Variants in SMC6 observed in about 807,000 individuals in gnomAD.
The protein encoded by SMC6 is structural maintenance of chromosomes 6.
In SMC6, 79 loss-of-function variants were observed where a neutral mutation model predicts 142.2. The ratio of observed to expected loss-of-function variants is 0.56; its 90% CI spans 0.46 to 0.67. The LOEUF (loss-of-function observed/expected upper bound fraction) is 0.67. Among genes scored for constraint, SMC6 ranks in the 30% least tolerant of loss-of-function variants. SMC6 has a pLI of 0.00. For synonymous variants in SMC6, 411 were observed against 412.4 expected, an observed-to-expected ratio of 1.00 and a Z score of 0.04; for missense variants, 1,072 against 1,284.0, an observed-to-expected ratio of 0.83 and a Z score of 2.52.
At position 17,700,240 on chromosome 2, in the gene SMC6, T is replaced by G. The variant is rs963642088; in HGVS notation, c.2362A>C (p.Asn788His). The G allele has an allele frequency of 1.2e-6, 2 of 1,608,002 alleles. No homozygotes were observed. Among genetic ancestry groups the G allele is most frequent in the African/African-American group, 2.7e-5 (2 of 74,602 alleles). Residue 788 changes from asparagine (N) to histidine (H), a missense_variant, in exon 21 of 28, where the codon AAT becomes CAT. This residue lies in a region of SMC6 where 994 missense variants were observed against 1,153.2 expected (regional missense o/e 0.86). Coordinates refer to ENST00000448223, the MANE Select transcript of SMC6 (RefSeq NM_001142286.2). ...NKYDAIKFKI[N>H]QLSELADPLK... Reference sequence around the variant, plus strand: ...GGGTCTGCTAGCTCCGATAGTTGATTAATTTTGAATTTAATTGCATCATAC... The same window carrying G: ...GGGTCTGCTAGCTCCGATAGTTGATGAATTTTGAATTTAATTGCATCATAC...
At chr2:17,711,004 G>A (rs1668800406) in intron 16 of SMC6, among the ~76,000 whole-genome samples, 1 of 152,136 alleles carries the variant, frequency 6.6e-6, no homozygotes, top group South Asian at 2.1e-4. Flanking sequence ...ATGAAACAAA[G>A]TACGGAACAA....
chr2:17,746,707 A>T lies in SMC6; in HGVS notation c.-5-756T>A, dbSNP rs9941630. ...ATTTTGCTAAACATATGAATACTGG[A>T]TCTCCAGTCAAAGCTGATAGTTTAT... is the stretch of plus-strand genomic sequence containing the variant. On this transcript the variant is annotated intron_variant, in intron 2 of 27. Coordinates refer to ENST00000448223, the MANE Select transcript of SMC6 (RefSeq NM_001142286.2). 7.2e-3 allele frequency among the ~76,000 whole-genome samples: 1,091 copies of T among 152,298 alleles called. 9 individuals carry two copies. Among genetic ancestry groups the T allele is most frequent in the African/African-American group, 0.025 (1,026 of 41,554 alleles).
rs1056747512 is a variant in SMC6 at position 17,665,411 on chromosome 2, A to G, written c.*88T>C. The G allele has an allele frequency of 5.4e-5, 36 of 669,128 alleles. No individual in the cohort carries two copies. The highest frequency in any genetic ancestry group is 6.6e-5 in the Non-Finnish European group (28 of 423,088). The allele number at this position is 669,128 out of a possible 1,614,324, so 41.4% of individuals were successfully genotyped here. Reference sequence around the variant, plus strand: ...GTTTCTTTCATTTCAGAATGCCTCCAGTCTCATTTTATTATATCAAAGAGT... The same window carrying G: ...GTTTCTTTCATTTCAGAATGCCTCCGGTCTCATTTTATTATATCAAAGAGT... On this transcript the variant is annotated 3_prime_UTR_variant, in exon 28 of 28. Transcript: ENST00000448223.
intron 15 of SMC6, 128 bp downstream of exon 15, chr2:17,715,958 T>C (rs979582212): frequency 3.7e-6 from 3 of 816,502 alleles, no homozygotes; most frequent in African/African-American, 3.6e-5. Flanking sequence ...AAACGAAAGC[T>C]ACAAAGCTTT....
chr2:17,670,241 G>A (rs1419025887), intron 26 of SMC6, among the ~76,000 whole-genome samples, 182 bp downstream of exon 26: 1 of 152,176 alleles, frequency 6.6e-6, no homozygotes, highest in Non-Finnish European at 1.5e-5. Context: ...GTTACTGTGT[G>A]CCTAGAAGCA....
chr2:17,680,718 G>A (rs1667201804), intron 24 of SMC6: 1 of 152,080 alleles, frequency 6.6e-6, no homozygotes, highest in African/African-American at 2.4e-5. Context: ...ACTCAATAGT[G>A]GGCTTAAAAT....
At chr2:17,686,307 C>A (rs1432171230) in intron 23 of SMC6, among the ~76,000 whole-genome samples, 6 of 152,026 alleles carry the variant, frequency 3.9e-5, no homozygotes, top group Non-Finnish European at 5.9e-5. Context: ...CATGGTAAAA[C>A]CCTGTCTCTA....
chr2:17,702,984 A>G (rs1375192339), intron 19 of SMC6, among the ~76,000 whole-genome samples, 173 bp downstream of exon 19: 1 of 152,172 alleles, frequency 6.6e-6, no homozygotes, highest in East Asian at 1.9e-4. Context: ...ATTTTTAAAA[A>G]TGTAAACGTT....
At chr2:17,693,736 C>G (rs1667846696) in intron 23 of SMC6, among the ~76,000 whole-genome samples, 2 of 151,736 alleles carry the variant, frequency 1.3e-5, no homozygotes, top group South Asian at 4.2e-4. Flanking sequence ...TGGCTCATGC[C>G]TGTAATCTCA....
At chr2:17,712,449 TG>T (rs1214790161) in intron 16 of SMC6, among the ~76,000 whole-genome samples, 3 of 152,152 alleles carry the variant, frequency 2.0e-5, no homozygotes, top group Non-Finnish European at 4.4e-5. Flanking sequence ...TCTCTTGAGA[TG>T]GGGGCAAGAT....
intron 19 of SMC6, 137 bp downstream of exon 19, chr2:17,703,020 G>T: frequency 2.2e-6 from 1 of 446,996 alleles, no homozygotes. Context: ...ATAAATGAAA[G>T]CTCTTTGATG....
At chr2:17,708,440 T>G (rs1668659689) in intron 17 of SMC6, among the ~76,000 whole-genome samples, 199 bp downstream of exon 17, 1 of 152,136 alleles carries the variant, frequency 6.6e-6, no homozygotes, top group Non-Finnish European at 1.5e-5. Flanking sequence ...AGCTGAAAAT[T>G]ATAAAGTTCC....
intron 26 of SMC6, among the ~76,000 whole-genome samples, chr2:17,667,110 GA>G (rs1158063566): frequency 1.3e-5 from 2 of 152,150 alleles, no homozygotes; most frequent in African/African-American, 2.4e-5. Context: ...GAAATAATCA[GA>G]AAATATTCTC....
At chr2:17,681,619 G>A (rs1667241049) in intron 24 of SMC6, 1 of 152,356 alleles carries the variant, frequency 6.6e-6, no homozygotes, top group South Asian at 2.1e-4. Flanking sequence ...GGGACAGAGA[G>A]ATGAGGGAAT....
chr2:17,695,739 G>C (rs969883153), intron 22 of SMC6, among the ~76,000 whole-genome samples: 16 of 152,130 alleles, frequency 1.1e-4, no homozygotes, highest in Non-Finnish European at 1.6e-4. Flanking sequence ...ACAACTTTCT[G>C]TATTATTCTT....
At chr2:17,678,997 AG>A in intron 24 of SMC6, 33 bp from the exon 25 acceptor site, 1 of 1,472,578 alleles carries the variant, frequency 6.8e-7, no homozygotes, top group Non-Finnish European at 9.4e-7. Flanking sequence ...CATTAAAAAG[AG>A]GGCAAAGGTT....
chr2:17,726,368 A>T (rs1218954556), intron 8 of SMC6, 21 bp downstream of exon 8: 1 of 1,583,086 alleles, frequency 6.3e-7, no homozygotes. Context: ...ATGGGTTTAT[A>T]TTTACTTTGG....
chr2:17,753,250 A>T (rs1671158721), intron 1 of SMC6, among the ~76,000 whole-genome samples, 186 bp from the exon 2 acceptor site: 1 of 100,294 alleles, frequency 1.0e-5, no homozygotes, highest in Non-Finnish European at 2.1e-5. Flanking sequence ...ACTCATGCTA[A>T]GAGCCACTCC....
In SMC6 at chr2:17,700,194, C is replaced by CCAAAAATATATACCTT. The variant is rs1435333351; in HGVS notation, c.2392_2394+13dup. The CCAAAAATATATACCTT allele has an allele frequency of 1.9e-6, 3 of 1,557,314 alleles. No individual in the cohort carries two copies. The highest frequency in any genetic ancestry group is 1.7e-6 in the Non-Finnish European group (2 of 1,148,626). On this transcript the variant is annotated intron_variant, in intron 21 of 27. Coordinates refer to ENST00000448223, the MANE Select transcript of SMC6 (RefSeq NM_001142286.2). ...CATAAAATACATACGTAACACAGTA[C>CCAAAAATATATACCTT]CAAAAATATATACCTTAAGTGGGTC...
Sources: allele counts gnomAD v4.1 joint callset (sites outside exome capture counted in the v4.1 genomes callset), GRCh38; gene constraint gnomAD v4.1.1; regional missense constraint gnomAD v4.1.1; transcripts MANE v1.5; gene names NCBI Gene and HGNC (gene_info 2026-07-23, HGNC 2026-07-21).